The following SLC39A14 variants were observed in gnomAD, a reference collection of about 807,000 sequenced individuals.
The protein encoded by SLC39A14 is solute carrier family 39 member 14, also known as metal cation symporter ZIP14.
Under a neutral mutation model 45.5 loss-of-function variants are expected in SLC39A14, and 19 were observed. The ratio of observed to expected loss-of-function variants is 0.42; its 90% CI spans 0.29 to 0.61. SLC39A14 has a LOEUF of 0.61. Among genes scored for constraint, SLC39A14 ranks in the 20% least tolerant of loss-of-function variants. The pLI, the probability that SLC39A14 is intolerant of heterozygous loss-of-function variation, is 0.22. For missense variants in SLC39A14, 447 were observed against 616.5 expected (o/e 0.73, Z 2.91); for synonymous variants, 264 against 251.3 (o/e 1.05, Z -0.48).
intron 2 of SLC39A14, 114 bp from the exon 3 acceptor site, chr8:22,408,196 T>G: frequency 1.1e-6 from 1 of 932,942 alleles, no homozygotes; most frequent in Non-Finnish European, 1.6e-6. Flanking sequence ...TCCCTGAAAT[T>G]TGGACATTTC....
chr8:22,371,409 C>T (rs557710279), intron 1 of SLC39A14, among the ~76,000 whole-genome samples: 2,449 of 45,170 alleles, frequency 0.054, 78 homozygotes, highest in African/African-American at 0.23. Context: ...AAAAAAAATA[C>T]ATGTCTTTTT....
intron 1 of SLC39A14, among the ~76,000 whole-genome samples, chr8:22,378,641 G>C (rs886123964): frequency 6.6e-6 from 1 of 152,272 alleles, no homozygotes; most frequent in Middle Eastern, 3.4e-3. Context: ...AGCCATCCTT[G>C]TAAGGGCTCA....
chr8:22,406,851 C>T (rs1048627214), intron 2 of SLC39A14, among the ~76,000 whole-genome samples: 12 of 152,158 alleles, frequency 7.9e-5, no homozygotes, highest in African/African-American at 2.7e-4. Flanking sequence ...AGCAGCATCT[C>T]GGGGTGGCGG....
At chr8:22,432,686 TGCCCAC>T (rs1836485688) in intron 8 of SLC39A14, among the ~76,000 whole-genome samples, 1 of 149,174 alleles carries the variant, frequency 6.7e-6, no homozygotes, top group African/African-American at 2.5e-5. Flanking sequence ...CCGCTCTTGT[TGCCCAC>T]GCTGGAGTGC....
intron 1 of SLC39A14, among the ~76,000 whole-genome samples, chr8:22,399,538 G>A (rs1222860447): frequency 6.6e-6 from 1 of 152,248 alleles, no homozygotes; most frequent in Admixed American, 6.5e-5. Flanking sequence ...CATGGAGACA[G>A]GTCTAGACCT....
chr8:22,373,219 C>T (rs998493536), intron 1 of SLC39A14, among the ~76,000 whole-genome samples: 10 of 149,630 alleles, frequency 6.7e-5, no homozygotes, highest in African/African-American at 2.5e-4. Context: ...GCCAAGATTA[C>T]GCCACTGCAC....
downstream of SLC39A14, chr8:22,422,786 G>C: frequency 1.2e-6 from 1 of 851,178 alleles, no homozygotes; most frequent in East Asian, 1.2e-4. Flanking sequence ...TGTTTTACCA[G>C]GTCTGGTTTA....
intron 1 of SLC39A14, among the ~76,000 whole-genome samples, chr8:22,395,730 C>T (rs558111752): frequency 2.7e-4 from 41 of 152,174 alleles, no homozygotes; most frequent in Middle Eastern, 6.8e-3. Context: ...TGAGGTTATT[C>T]CTCCGTGTGG....
Position 22,421,372 on chromosome 8 carries a change from G to T in SLC39A14, c.*1674G>T. 1.0e-6 allele frequency: 1 copy of T among 985,842 alleles called. No homozygotes were observed. The highest frequency in any genetic ancestry group is 1.2e-6 in the Non-Finnish European group (1 of 829,934). 61.1% of individuals were successfully genotyped at this position (985,842 alleles called of 1,614,324 possible). On this transcript the variant is annotated 3_prime_UTR_variant, in exon 9 of 9. Transcript: ENST00000381237. The stretch of plus-strand genomic sequence containing the variant: ...AGAACGTGAGCAGGAAAAACTGCTG[G>T]TGATACTTTTTTTAAGTTTTGTTTT...
chr8:22,388,003 GTGTC>G (rs1243978335), intron 1 of SLC39A14, among the ~76,000 whole-genome samples: 12 of 152,190 alleles, frequency 7.9e-5, no homozygotes, highest in Non-Finnish European at 1.5e-5. Context: ...GGGTGAGGAT[GTGTC>G]TGTCTGTTTA....
intron 1 of SLC39A14, among the ~76,000 whole-genome samples, chr8:22,398,075 T>C (rs1834612562): frequency 6.6e-6 from 1 of 152,112 alleles, no homozygotes; most frequent in South Asian, 2.1e-4. Context: ...CTTAGGATGA[T>C]TCACTGAGGC....
intron 1 of SLC39A14, among the ~76,000 whole-genome samples, chr8:22,386,930 T>A (rs1008775942): frequency 6.6e-6 from 1 of 152,122 alleles, no homozygotes; most frequent in African/African-American, 2.4e-5. Flanking sequence ...CCCAGCACTT[T>A]GGGAGGCTGG....
intron 1 of SLC39A14, among the ~76,000 whole-genome samples, chr8:22,386,485 T>A (rs1263238221): frequency 6.6e-6 from 1 of 150,980 alleles, no homozygotes; most frequent in Non-Finnish European, 1.5e-5. Flanking sequence ...CAGGCTGGTC[T>A]CGAACTTCTG....
In SLC39A14 at chr8:22,417,647, G is replaced by GT; in HGVS notation, c.1148-3dup. 1 of 1,612,352 alleles carries GT rather than the reference G, an allele frequency of 6.2e-7. No homozygotes were observed. The highest frequency in any genetic ancestry group is 8.5e-7 in the Non-Finnish European group (1 of 1,179,228). On this transcript the variant is annotated splice_region_variant and splice_polypyrimidine_tract_variant and intron_variant, in intron 7 of 8. Transcript: ENST00000381237. ...CCCTCCCCTTTTCATTCTCGCTGCT[G>GT]TAGGAGACTTTGTCATCCTGCTCAA...
Position 22,420,862 on chromosome 8 carries a change from G to A in SLC39A14, c.*1164G>A. The A allele has an allele frequency of 1.0e-6, 1 of 985,486 alleles. No homozygotes were observed. Among genetic ancestry groups the A allele is most frequent in the South Asian group, 4.7e-5 (1 of 21,290 alleles). The allele number at this position is 985,486 out of a possible 1,614,324, so 61.0% of individuals were successfully genotyped here. A position where few individuals can be genotyped will look rare whatever the true frequency, so the allele number is the denominator to read the frequency against. ...TTGGCCTAATGATTATGCTACAGAT[G>A]GGTTTTAAATGACCCGTCTAGGTTA... On this transcript the variant is annotated 3_prime_UTR_variant, in exon 9 of 9. Coordinates refer to ENST00000381237, the MANE Select transcript of SLC39A14 (RefSeq NM_001128431.4).
At chr8:22,368,997 G>A (rs1045179397) in intron 1 of SLC39A14, among the ~76,000 whole-genome samples, 1 of 152,148 alleles carries the variant, frequency 6.6e-6, no homozygotes, top group Admixed American at 6.5e-5. Context: ...TAAAGCAAGA[G>A]AAGGGATGTC....
At chr8:22,427,754 G>A (rs970220559) in intron 8 of SLC39A14, among the ~76,000 whole-genome samples, 3 of 152,196 alleles carry the variant, frequency 2.0e-5, no homozygotes, top group Admixed American at 1.3e-4. Context: ...AAAATCAAGA[G>A]AACAGGAGAG....
chr8:22,419,471 T>C lies in SLC39A14; in HGVS notation c.1333-81T>C, dbSNP rs1374310260. On this transcript the variant is annotated intron_variant, in intron 8 of 8. Transcript: ENST00000381237. ...ATTTTCTTTGTCAACCAACCTGATC[T>C]ATATCTCCATCACTGAATTGCCCTG... 22 of 1,390,932 alleles carry C rather than the reference T, an allele frequency of 1.6e-5. No individual in the cohort carries two copies. The Admixed American group carries it at 4.4e-4, about 28-fold the overall frequency. The allele number at this position is 1,390,932 out of a possible 1,614,324, so 86.2% of individuals were successfully genotyped here.
chr8:22,403,922 A>G (rs1835038167), intron 1 of SLC39A14, among the ~76,000 whole-genome samples: 1 of 151,516 alleles, frequency 6.6e-6, no homozygotes, highest in Non-Finnish European at 1.5e-5. Flanking sequence ...TCAAAAACAA[A>G]CAAACAAACA....
Sources: gnomAD v4.1 joint callset for allele counts (sites outside exome capture counted in the v4.1 genomes callset) on GRCh38, gnomAD v4.1.1 for gene constraint, MANE v1.5 for transcripts, NCBI Gene and HGNC (gene_info 2026-07-23, HGNC 2026-07-21) for gene names.